Variants in MAP3K5 observed in about 807,000 individuals in gnomAD.
MAP3K5 encodes the protein mitogen-activated protein kinase kinase kinase 5.
Under a neutral mutation model 158.7 loss-of-function variants are expected in MAP3K5, and 56 were observed. That is an observed-to-expected ratio of 0.35 (90% CI 0.28 to 0.44). MAP3K5 has a LOEUF of 0.44. MAP3K5 is among the 20% of genes least tolerant of loss of function. The pLI, the probability that MAP3K5 is intolerant of heterozygous loss-of-function variation, is 1.00. For synonymous variants in MAP3K5, 579 were observed against 601.7 expected (o/e 0.96, Z 0.55); for missense variants, 1,294 against 1,674.8 (o/e 0.77, Z 3.97).
chr6:136,723,906 T>C (rs1781847803), intron 1 of MAP3K5, among the ~76,000 whole-genome samples: 1 of 152,132 alleles, frequency 6.6e-6, no homozygotes. Context: ...GTCCTCAACA[T>C]TTCTGCATCA....
intron 25 of MAP3K5, among the ~76,000 whole-genome samples, chr6:136,571,497 T>C (rs1774364337): frequency 6.6e-6 from 1 of 152,240 alleles, no homozygotes; most frequent in African/African-American, 2.4e-5. Flanking sequence ...TATGGAATCA[T>C]ATACTATTTG....
At chr6:136,735,528 A>G (rs1782419411) in intron 1 of MAP3K5, among the ~76,000 whole-genome samples, 1 of 152,182 alleles carries the variant, frequency 6.6e-6, no homozygotes, top group African/African-American at 2.4e-5. Flanking sequence ...TCTTTCAGAG[A>G]AGAAAAATGT....
Position 136,792,415 on chromosome 6 carries a change from G to A in MAP3K5, c.-258C>T. On this transcript the variant is annotated 5_prime_UTR_variant, in exon 1 of 30. Transcript: ENST00000359015. The surrounding 1 kb of genome is among the most constrained non-coding windows in gnomAD (Gnocchi z 5.7). Reference sequence around the variant, plus strand: ...TGCAGAGTTTAGAGTACAAGGGGTGGGGAAGCCGGGTGAGCGGGAAGGGAC... The same window carrying A: ...TGCAGAGTTTAGAGTACAAGGGGTGAGGAAGCCGGGTGAGCGGGAAGGGAC... The A allele has an allele frequency of 1.0e-6, 1 of 985,466 alleles. No individual in the cohort carries two copies. Among genetic ancestry groups the A allele is most frequent in the Non-Finnish European group, 1.2e-6 (1 of 829,500 alleles). 61.0% of individuals were successfully genotyped at this position (985,466 alleles called of 1,614,324 possible). A position where few individuals can be genotyped will look rare whatever the true frequency, so the allele number is the denominator to read the frequency against.
intron 7 of MAP3K5, among the ~76,000 whole-genome samples, chr6:136,677,672 A>G (rs942865334): frequency 7.9e-5 from 12 of 152,248 alleles, no homozygotes; most frequent in Admixed American, 2.0e-4. Flanking sequence ...TACAATCACA[A>G]AATTGCTCTC....
chr6:136,570,414 A>G (rs1774309223), intron 25 of MAP3K5, among the ~76,000 whole-genome samples: 1 of 151,846 alleles, frequency 6.6e-6, no homozygotes, highest in Non-Finnish European at 1.5e-5. Flanking sequence ...AGCTCATTCA[A>G]CTCCACGAAG....
intron 7 of MAP3K5, among the ~76,000 whole-genome samples, chr6:136,692,504 T>C (rs1170861351): frequency 6.6e-6 from 1 of 152,184 alleles, no homozygotes; most frequent in East Asian, 1.9e-4. Context: ...GTTTATCCTA[T>C]GCGGTGCCCT....
At chr6:136,677,935 T>C (rs1273777134) in intron 7 of MAP3K5, among the ~76,000 whole-genome samples, 1 of 152,046 alleles carries the variant, frequency 6.6e-6, no homozygotes, top group Non-Finnish European at 1.5e-5. Flanking sequence ...ATAATACTTC[T>C]AATTCTGACA....
At chr6:136,676,816 G>C (rs1297876729) in intron 7 of MAP3K5, among the ~76,000 whole-genome samples, 3 of 139,512 alleles carry the variant, frequency 2.2e-5, no homozygotes, top group East Asian at 2.1e-4. Context: ...TTTTGAGACA[G>C]AGTCTCACTC....
At chr6:136,695,899 G>T (rs1250072169) in intron 6 of MAP3K5, 52 bp downstream of exon 6, 3 of 1,062,612 alleles carry the variant, frequency 2.8e-6, no homozygotes, top group South Asian at 1.4e-5. Context: ...AAGAATTGCA[G>T]GTTACACAAT....
intron 7 of MAP3K5, among the ~76,000 whole-genome samples, chr6:136,675,288 A>T (rs1486875341): frequency 2.6e-5 from 4 of 152,084 alleles, no homozygotes; most frequent in African/African-American, 9.7e-5. Flanking sequence ...ACAAACAGAC[A>T]AAAATTATCA....
At chr6:136,782,187 G>A (rs185559094) in intron 1 of MAP3K5, among the ~76,000 whole-genome samples, 30 of 151,912 alleles carry the variant, frequency 2.0e-4, no homozygotes, top group African/African-American at 7.0e-4. Flanking sequence ...GGCTAAGGTG[G>A]GAAATTCCTT....
At position 136,561,622 on chromosome 6, in the gene MAP3K5, G is replaced by A; in HGVS notation, c.3898C>T (p.His1300Tyr). ...GTATTTGTGCCAGAAGAATTTAGAT[G>A]AAATACAGGCAATTCAGGAATTTCT... ...PIEIPELPVFHLNSSGTNTED... is the reference protein window; with the variant it reads ...PIEIPELPVFYLNSSGTNTED... Residue 1300 changes from histidine (H) to tyrosine (Y), a missense_variant, in exon 28 of 30, where the codon CAT becomes TAT. Physicochemically the swap from His to Tyr is moderately conservative, Grantham distance 83. This residue lies in a region of MAP3K5 where 199 missense variants were observed against 220.3 expected (regional missense o/e 0.90). Transcript: ENST00000359015. 1 of 1,610,666 alleles carries A rather than the reference G, an allele frequency of 6.2e-7. No homozygotes were observed. Among genetic ancestry groups the A allele is most frequent in the Non-Finnish European group, 8.5e-7 (1 of 1,176,884 alleles).
chr6:136,737,819 T>C (rs1021436049), intron 1 of MAP3K5, among the ~76,000 whole-genome samples: 2 of 152,056 alleles, frequency 1.3e-5, no homozygotes, highest in African/African-American at 2.4e-5. Flanking sequence ...TCAAATGAAA[T>C]AGATGTAAAT....
At chr6:136,644,251 A>G (rs1486194530) in intron 11 of MAP3K5, among the ~76,000 whole-genome samples, 2 of 152,160 alleles carry the variant, frequency 1.3e-5, no homozygotes, top group East Asian at 1.9e-4. Flanking sequence ...GTTCCATTTC[A>G]GTGATGTAAA....
chr6:136,759,891 C>T (rs960209596), intron 1 of MAP3K5, among the ~76,000 whole-genome samples: 6 of 149,320 alleles, frequency 4.0e-5, no homozygotes, highest in African/African-American at 2.5e-5. Flanking sequence ...TTGGGATAGG[C>T]GGTGGAGTTA....
intron 1 of MAP3K5, among the ~76,000 whole-genome samples, chr6:136,789,675 CTTTTTTT>C (rs57162918): frequency 2.5e-4 from 20 of 78,752 alleles, no homozygotes; most frequent in South Asian, 5.2e-4. Flanking sequence ...AGCACAACCT[CTTTTTTT>C]TTTTTTTTTT....
chr6:136,784,608 C>T (rs1186985627), intron 1 of MAP3K5, among the ~76,000 whole-genome samples: 3 of 152,074 alleles, frequency 2.0e-5, no homozygotes, highest in Non-Finnish European at 4.4e-5. Context: ...TACTAAGGTT[C>T]GTTTCTCACG....
At chr6:136,750,833 G>C (rs1329742192) in intron 1 of MAP3K5, among the ~76,000 whole-genome samples, 1 of 152,136 alleles carries the variant, frequency 6.6e-6, no homozygotes, top group South Asian at 2.1e-4. Flanking sequence ...CTGCTCCTAA[G>C]GATCAACTAC....
chr6:136,697,840 G>A (rs1386524649), intron 4 of MAP3K5, among the ~76,000 whole-genome samples: 1 of 152,150 alleles, frequency 6.6e-6, no homozygotes, highest in Non-Finnish European at 1.5e-5. Context: ...CATCTCCTGG[G>A]TTCAAGCAAT....
Sources: gnomAD v4.1 joint callset for allele counts (sites outside exome capture counted in the v4.1 genomes callset) on GRCh38, gnomAD v4.1.1 for gene constraint, gnomAD v4.1.1 regional missense constraint, Gnocchi (gnomAD v3.1) non-coding constraint, MANE v1.5 for transcripts, NCBI Gene and HGNC (gene_info 2026-07-23, HGNC 2026-07-21) for gene names.